Variants in PCLO observed in about 807,000 individuals in gnomAD.
The protein encoded by PCLO is protein piccolo.
PCLO carries 82 observed loss-of-function variants against 427.5 expected under a neutral mutation model. The observed-to-expected ratio is 0.19, with a 90% CI of 0.16 to 0.23. PCLO has a LOEUF of 0.23. PCLO is among the 10% of genes least tolerant of loss of function. PCLO has a pLI of 1.00. For synonymous variants in PCLO, 2,357 were observed against 2,155.4 expected, an observed-to-expected ratio of 1.09 and a Z score of -2.59; for missense variants, 6,239 against 6,115.9, an observed-to-expected ratio of 1.02 and a Z score of -0.67.
intron 3 of PCLO, among the ~76,000 whole-genome samples, chr7:82,969,247 T>G (rs1032566475): frequency 1.3e-5 from 2 of 152,178 alleles, no homozygotes; most frequent in African/African-American, 4.8e-5. Flanking sequence ...CTATGTAATC[T>G]ATTTTGTCAC....
At chr7:83,117,216 T>C (rs1791156991) in intron 3 of PCLO, among the ~76,000 whole-genome samples, 1 of 152,164 alleles carries the variant, frequency 6.6e-6, no homozygotes, top group South Asian at 2.1e-4. Context: ...ATCTTTAATG[T>C]AGAAGGCCTG....
chr7:82,764,858 T>C (rs4289750), intron 22 of PCLO, among the ~76,000 whole-genome samples: 1 of 151,920 alleles, frequency 6.6e-6, no homozygotes, highest in South Asian at 2.1e-4. Context: ...ATATTAACAG[T>C]GTAAGACAAG....
chr7:82,803,164 A>G (rs1382598735), intron 21 of PCLO, among the ~76,000 whole-genome samples: 1 of 152,082 alleles, frequency 6.6e-6, no homozygotes, highest in Non-Finnish European at 1.5e-5. Context: ...ACTCTGCTCT[A>G]TCTGTTAGCA....
chr7:82,863,969 C>T (rs770883909), intron 10 of PCLO, among the ~76,000 whole-genome samples: 2 of 151,862 alleles, frequency 1.3e-5, no homozygotes, highest in African/African-American at 2.4e-5. Flanking sequence ...CACAGCAATC[C>T]AGTAAAATAG....
chr7:82,896,164 TTTTATGTCTAGTAAACTAACCAA>T (rs1375450768), intron 9 of PCLO, among the ~76,000 whole-genome samples: 1 of 151,866 alleles, frequency 6.6e-6, no homozygotes, highest in Non-Finnish European at 1.5e-5. Context: ...CAACCAGAAA[TTTTATGTCTAGTAAACTAACCAA>T]TAAAAATTAC....
Position 83,143,776 on chromosome 7 carries a change from T to G in PCLO, c.1894-8120A>C, listed in dbSNP as rs77421434. On this transcript the variant is annotated intron_variant, in intron 2 of 24. Coordinates refer to ENST00000333891, the MANE Select transcript of PCLO (RefSeq NM_033026.6). Reference sequence around the variant, plus strand: ...AGAGGAGGATCTCAAATCAGTAAATTGAACTTACATGCATTATGCATTAAC... The same window carrying G: ...AGAGGAGGATCTCAAATCAGTAAATGGAACTTACATGCATTATGCATTAAC... Among the ~76,000 whole-genome samples the G allele has an allele frequency of 8.5e-5, 13 of 152,288 alleles. No homozygotes were observed. The East Asian group carries it at 2.5e-3, about 29-fold the overall frequency.
intron 3 of PCLO, among the ~76,000 whole-genome samples, chr7:83,023,264 A>C (rs1222456486): frequency 6.6e-6 from 1 of 152,208 alleles, no homozygotes; most frequent in Non-Finnish European, 1.5e-5. Flanking sequence ...AGCTGTATAT[A>C]AACAATACAA....
chr7:82,916,437 T>C lies in PCLO; in HGVS notation c.11549A>G (p.Gln3850Arg). The change falls in exon 7 of 25, where the codon CAG (glutamine) becomes CGG (arginine). Residue 3850 changes from glutamine (Q) to arginine (R), a missense_variant. By Grantham distance (43) the Gln-to-Arg change is conservative (BLOSUM62 1). This residue lies in a region of PCLO where 680 missense variants were observed against 677.3 expected (regional missense o/e 1.00). Transcript: ENST00000333891. ...AGTTCTTGGTCGCTCAATGCCATGC[T>C]GACTTTCTATTCGGGTTGGTCTTGT... Reference protein sequence around the residue: ...SSTRPTRIESQHGIERPRTAP... With the variant: ...SSTRPTRIESRHGIERPRTAP... 1 of 1,613,764 alleles carries C rather than the reference T, an allele frequency of 6.2e-7. No homozygotes were observed. Among genetic ancestry groups the C allele is most frequent in the Non-Finnish European group, 8.5e-7 (1 of 1,179,780 alleles).
At chr7:82,866,687 CA>C (rs1182416881) in intron 10 of PCLO, among the ~76,000 whole-genome samples, 3 of 151,762 alleles carry the variant, frequency 2.0e-5, no homozygotes, top group African/African-American at 7.3e-5. Flanking sequence ...CACACACACA[CA>C]CACACACACC....
At chr7:83,087,748 A>G (rs961936851) in intron 3 of PCLO, among the ~76,000 whole-genome samples, 2 of 152,168 alleles carry the variant, frequency 1.3e-5, no homozygotes, top group African/African-American at 4.8e-5. Flanking sequence ...GTGACAAATC[A>G]AAATGAGTTA....
Position 82,807,645 on chromosome 7 carries a change from AAG to A in PCLO, c.14792-1818_14792-1817del, listed in dbSNP as rs201449141. Among the ~76,000 whole-genome samples the A allele has an allele frequency of 9.9e-3, 1,502 of 152,170 alleles. 17 individuals are homozygous for A. Among genetic ancestry groups the A allele is most frequent in the African/African-American group, 0.034 (1,404 of 41,552 alleles). ...AATTTCGTCGGTAGCAGGTTCTCTA[AAG>A]CCACAAGGAATTTTTATATATATTC... On this transcript the variant is annotated intron_variant, in intron 20 of 24. Coordinates refer to ENST00000333891, the MANE Select transcript of PCLO (RefSeq NM_033026.6).
At chr7:83,012,155 T>A (rs1208189209) in intron 3 of PCLO, among the ~76,000 whole-genome samples, 2 of 151,982 alleles carry the variant, frequency 1.3e-5, no homozygotes, top group African/African-American at 4.8e-5. Flanking sequence ...AACCACTACA[T>A]CAGCATAATA....
chr7:83,120,816 C>A (rs1791258126), intron 3 of PCLO, among the ~76,000 whole-genome samples: 1 of 152,054 alleles, frequency 6.6e-6, no homozygotes, highest in African/African-American at 2.4e-5. Context: ...CATACCAGAC[C>A]TGTCTTATAA....
chr7:82,959,732 C>T (rs1795612574), intron 4 of PCLO, among the ~76,000 whole-genome samples: 1 of 152,152 alleles, frequency 6.6e-6, no homozygotes. Flanking sequence ...TGGTCTCCTC[C>T]CTCCACACTC....
At position 82,865,666 on chromosome 7, in the gene PCLO, A is replaced by C. The variant is rs575123418; in HGVS notation, c.13654+13671T>G. ...GATTTAAGTTTTTAAAAAATGGTGA[A>C]GGGATTTTGGCTTATAAATATGAAT... On this transcript the variant is annotated intron_variant, in intron 10 of 24. Coordinates refer to ENST00000333891, the MANE Select transcript of PCLO (RefSeq NM_033026.6). Among the ~76,000 whole-genome samples, 156 of 152,234 alleles carry C rather than the reference A, an allele frequency of 1.0e-3. 2 individuals carry two copies. Among genetic ancestry groups the C allele is most frequent in the African/African-American group, 3.7e-3 (152 of 41,550 alleles).
rs370767080 is a variant in PCLO at position 82,950,491 on chromosome 7, T to C, written c.10097A>G (p.Glu3366Gly). Reference sequence around the variant, plus strand: ...GTACCATCCTTGGCTTTGTGGTATTTCAATTGCCACAACAGCTGAAGCTGT... The same window carrying C: ...GTACCATCCTTGGCTTTGTGGTATTCCAATTGCCACAACAGCTGAAGCTGT... The part of the protein sequence containing the change: ...TTTASAVVAI[E>G]IPQSQGWYTV... The change falls in exon 6 of 25, where the codon GAA becomes GGA. Residue 3366 changes from glutamate (E) to glycine (G), a missense_variant. Around this residue, in one of 5 missense-constraint regions of PCLO, gnomAD observed 4,677 missense variants for 4,468.4 expected, o/e 1.05. Coordinates refer to ENST00000333891, the MANE Select transcript of PCLO (RefSeq NM_033026.6). 6.2e-7 allele frequency: 1 copy of C among 1,613,670 alleles called. No homozygotes were observed. The highest frequency in any genetic ancestry group is 1.3e-5 in the African/African-American group (1 of 74,868).
chr7:82,926,014 C>A (rs1794704684), intron 6 of PCLO, among the ~76,000 whole-genome samples: 1 of 152,022 alleles, frequency 6.6e-6, no homozygotes, highest in African/African-American at 2.4e-5. Context: ...CCACCACCAT[C>A]CTATTGCTTC....
chr7:82,910,594 C>T (rs1284633516), intron 7 of PCLO, among the ~76,000 whole-genome samples: 1 of 152,076 alleles, frequency 6.6e-6, no homozygotes, highest in Non-Finnish European at 1.5e-5. Context: ...CAATGCCCTG[C>T]ACAAGGCATA....
chr7:82,966,758 G>A (rs10227377), intron 3 of PCLO, among the ~76,000 whole-genome samples: 7,503 of 151,994 alleles, frequency 0.049, 619 homozygotes, highest in African/African-American at 0.17. Flanking sequence ...TACATTAAAC[G>A]TGGACCCAGA....
Sources: allele counts gnomAD v4.1 joint callset (sites outside exome capture counted in the v4.1 genomes callset), GRCh38; gene constraint gnomAD v4.1.1; regional missense constraint gnomAD v4.1.1; transcripts MANE v1.5; gene names NCBI Gene and HGNC (gene_info 2026-07-23, HGNC 2026-07-21).